The following USP24 variants were observed in gnomAD, a reference collection of about 807,000 sequenced individuals.
USP24 encodes ubiquitin specific peptidase 24, also known as ubiquitin carboxyl-terminal hydrolase 24.
In USP24, 97 loss-of-function variants were observed where a neutral mutation model predicts 361.6. That is an observed-to-expected ratio of 0.27 (90% confidence interval 0.23 to 0.32). The LOEUF is 0.32. USP24 is among the 10% of genes least tolerant of loss of function. The pLI is 1.00. For synonymous variants in USP24, 1,098 were observed against 1,124.6 expected, an observed-to-expected ratio of 0.98 and a Z score of 0.47; for missense variants, 2,353 against 3,165.6, an observed-to-expected ratio of 0.74 and a Z score of 6.16.
At chr1:55,158,286 T>G (rs1414127089) in intron 10 of USP24, among the ~76,000 whole-genome samples, 1 of 152,224 alleles carries the variant, frequency 6.6e-6, no homozygotes, top group Non-Finnish European at 1.5e-5. Flanking sequence ...AATGAACTCC[T>G]CTTTTGGTCT....
chr1:55,104,102 G>C (rs577198519), intron 41 of USP24, 82 bp from the exon 42 acceptor site: 45 of 1,461,324 alleles, frequency 3.1e-5, no homozygotes, highest in Non-Finnish European at 3.7e-5. Context: ...CAGTTGAAAT[G>C]AAAGTAGAAG....
At chr1:55,158,804 T>A in intron 10 of USP24, 74 bp downstream of exon 10, 2 of 1,201,538 alleles carry the variant, frequency 1.7e-6, no homozygotes, top group East Asian at 6.1e-5. Flanking sequence ...AAAATTGTTA[T>A]ATTAATAAGC....
intron 44 of USP24, 22 bp from the exon 45 acceptor site, chr1:55,099,891 T>C (rs1645589045): frequency 6.6e-7 from 1 of 1,515,612 alleles, no homozygotes. Flanking sequence ...AAATTAAATG[T>C]TTTTAAAGGA....
intron 62 of USP24, among the ~76,000 whole-genome samples, chr1:55,076,820 G>A (rs1399791527): frequency 2.0e-5 from 3 of 151,918 alleles, no homozygotes; most frequent in Non-Finnish European, 4.4e-5. Flanking sequence ...TTCATAGTAC[G>A]TACATACAGT....
chr1:55,205,530 A>G (rs1210543687), intron 1 of USP24, among the ~76,000 whole-genome samples: 1 of 151,742 alleles, frequency 6.6e-6, no homozygotes, highest in Non-Finnish European at 1.5e-5. Context: ...TTAAAAAAAT[A>G]GCTCCCAATG....
At chr1:55,098,659 C>G in intron 45 of USP24, 101 bp from the exon 46 acceptor site, 1 of 830,464 alleles carries the variant, frequency 1.2e-6, no homozygotes, top group African/African-American at 1.7e-5. Flanking sequence ...AAACAAAACG[C>G]GTCATTCTGG....
In USP24 at chr1:55,177,980, G is replaced by A; in HGVS notation, c.477C>T (p.Tyr159=). Residue 159 remains tyrosine (Y), a synonymous_variant, in exon 2 of 68, where the codon TAC becomes TAT. Coordinates refer to ENST00000294383, the MANE Select transcript of USP24 (RefSeq NM_015306.3). The stretch of plus-strand genomic sequence containing the variant: ...CTGAAAACTTACCAAGTCTTGCTAG[G>A]TAGGTAGATGCCAACAGGCATTTGC... ...SLGKCLLAST[Y]LARLGLSESD... 1 of 1,551,510 alleles carries A rather than the reference G, an allele frequency of 6.4e-7. No individual in the cohort carries two copies. The highest frequency in any genetic ancestry group is 8.7e-7 in the Non-Finnish European group (1 of 1,146,920).
intron 58 of USP24, among the ~76,000 whole-genome samples, chr1:55,081,761 C>T (rs1270235000): frequency 1.3e-5 from 2 of 152,204 alleles, no homozygotes; most frequent in African/African-American, 4.8e-5. Context: ...GAGTTCTTCA[C>T]CACAACAGTA....
intron 42 of USP24, among the ~76,000 whole-genome samples, chr1:55,102,187 A>C (rs1464244170): frequency 6.6e-6 from 1 of 152,188 alleles, no homozygotes; most frequent in Non-Finnish European, 1.5e-5. Context: ...ATTACCATGA[A>C]GGATCCTGAC....
chr1:55,103,845 A>T (rs1313694066), intron 42 of USP24, 31 bp downstream of exon 42: 2 of 1,591,714 alleles, frequency 1.3e-6, no homozygotes, highest in Admixed American at 1.8e-5. Context: ...ATTCTAAAAA[A>T]ATTAAGTTCA....
chr1:55,165,981 T>C (rs773757977), intron 6 of USP24, 31 bp from the exon 7 acceptor site: 9 of 1,581,644 alleles, frequency 5.7e-6, no homozygotes, highest in Non-Finnish European at 7.7e-6. Flanking sequence ...CATTAAGTTA[T>C]TTTTCTCTTT....
At chr1:55,199,614 T>TGAGAGAGA (rs1398156773) in intron 1 of USP24, among the ~76,000 whole-genome samples, 1 of 140,692 alleles carries the variant, frequency 7.1e-6, no homozygotes, top group South Asian at 2.1e-4. Flanking sequence ...TGTGTGTGTG[T>TGAGAGAGA]GTGTGTGTGA....
intron 1 of USP24, 133 bp downstream of exon 1, chr1:55,214,657 C>A: frequency 1.2e-6 from 1 of 802,066 alleles, no homozygotes; most frequent in Non-Finnish European, 1.6e-6. Flanking sequence ...TTCTCTCTCT[C>A]TCTCCGCCCC....
At chr1:55,151,028 T>C (rs1647179270) in intron 16 of USP24, among the ~76,000 whole-genome samples, 1 of 152,232 alleles carries the variant, frequency 6.6e-6, no homozygotes, top group African/African-American at 2.4e-5. Context: ...TTTCCACTGA[T>C]GAGGAACTCA....
intron 49 of USP24, 71 bp from the exon 50 acceptor site, chr1:55,096,693 C>A: frequency 6.5e-7 from 1 of 1,532,482 alleles, no homozygotes; most frequent in South Asian, 1.3e-5. Context: ...GCATTGATCT[C>A]AATGTATTGT....
In USP24 at chr1:55,125,564, C is replaced by G. The variant is rs539918001; in HGVS notation, c.3732-16G>C. On this transcript the variant is annotated splice_polypyrimidine_tract_variant and intron_variant, in intron 33 of 67. Transcript: ENST00000294383. ...AAGTAAAAATCTTAAAAAGAAACAG[C>G]TAGACTTATTCTGAGTCCATTCATA... 1 of 1,605,058 alleles carries G rather than the reference C, an allele frequency of 6.2e-7. No individual in the cohort carries two copies. The highest frequency in any genetic ancestry group is 1.3e-5 in the African/African-American group (1 of 74,890).
At chr1:55,185,982 T>C (rs113880100) in intron 1 of USP24, among the ~76,000 whole-genome samples, 4,067 of 152,172 alleles carry the variant, frequency 0.027, 133 homozygotes, top group African/African-American at 0.073. Flanking sequence ...TAGAAAAGCA[T>C]AAACCACCAA....
chr1:55,213,654 C>G (rs933965384), intron 1 of USP24, among the ~76,000 whole-genome samples: 5 of 152,198 alleles, frequency 3.3e-5, no homozygotes, highest in African/African-American at 1.2e-4. Flanking sequence ...CTGAAATGAA[C>G]TACCCAACGA....
At position 55,079,616 on chromosome 1, in the gene USP24, G is replaced by T. The variant is rs1453484585; in HGVS notation, c.7122C>A (p.Pro2374=). The T allele has an allele frequency of 2.6e-6, 4 of 1,551,392 alleles. No homozygotes were observed. In the African/African-American group the frequency reaches 5.7e-5, roughly 22 times the overall value. The change falls in exon 60 of 68, where the codon CCC becomes CCA. Residue 2374 remains proline (P), a synonymous_variant. Coordinates refer to ENST00000294383, the MANE Select transcript of USP24 (RefSeq NM_015306.3). ...CATGGAGGGGCAACAGAGGGCTTGA[G>T]GGAGCAATGCTAATGGGTGGTCGTT... ...FKQRPPISIA[P]SSPLLPLHEE...
Sources: allele counts gnomAD v4.1 joint callset (sites outside exome capture counted in the v4.1 genomes callset), GRCh38; gene constraint gnomAD v4.1.1; transcripts MANE v1.5; gene names NCBI Gene and HGNC (gene_info 2026-07-23, HGNC 2026-07-21).